Variants in METTL8 observed in about 807,000 individuals in gnomAD.
The protein encoded by METTL8 is methyltransferase 8, tRNA N3-cytidine.
In METTL8, 32 loss-of-function variants were observed where a neutral mutation model predicts 48.7. The ratio of observed to expected loss-of-function variants is 0.66; its 90% CI spans 0.50 to 0.88. The LOEUF (loss-of-function observed/expected upper bound fraction) is 0.88, where lower values mean the gene tolerates loss of function less well. Ranked by LOEUF, METTL8 falls within the 40% of genes least tolerant of loss-of-function variation. METTL8 has a pLI of 0.00. For synonymous variants in METTL8, 136 were observed against 157.1 expected, an observed-to-expected ratio of 0.87 and a Z score of 1.01; for missense variants, 464 against 474.4, an observed-to-expected ratio of 0.98 and a Z score of 0.20.
At chr2:171,347,307 A>G (rs1683376619) in intron 3 of METTL8, among the ~76,000 whole-genome samples, 3 of 152,206 alleles carry the variant, frequency 2.0e-5, no homozygotes, top group Admixed American at 2.0e-4. Context: ...GAGAGAGGCC[A>G]GTCACCACCT....
Position 171,322,164 on chromosome 2 carries a change from C to G in METTL8, c.*2008G>C, listed in dbSNP as rs928115894. ...TATTTTTAGTAGAGACAGGGTTTCA[C>G]AGTGTTGGTCAGGCTGGTCTTGAAC... On this transcript the variant is annotated 3_prime_UTR_variant, in exon 10 of 10. Coordinates refer to ENST00000375258, the MANE Select transcript of METTL8 (RefSeq NM_001321154.2). The G allele has an allele frequency of 2.6e-5, 4 of 151,920 alleles. No individual in the cohort carries two copies. Among genetic ancestry groups the G allele is most frequent in the Non-Finnish European group, 4.4e-5 (3 of 67,998 alleles). The allele number at this position is 151,920 out of a possible 1,614,324, so 9.4% of individuals were successfully genotyped here.
At chr2:171,367,733 G>A (rs908801791) in intron 2 of METTL8, among the ~76,000 whole-genome samples, 2 of 152,170 alleles carry the variant, frequency 1.3e-5, no homozygotes, top group African/African-American at 2.4e-5. Context: ...TAAACTGTAT[G>A]ACAACAATAT....
At chr2:171,334,500 G>T (rs771507738) in intron 5 of METTL8, among the ~76,000 whole-genome samples, 1 of 152,114 alleles carries the variant, frequency 6.6e-6, no homozygotes, top group Non-Finnish European at 1.5e-5. Context: ...AGAATGATAT[G>T]ACCTCTCCAT....
At chr2:171,395,987 G>T (rs1317291532) in intron 1 of METTL8, among the ~76,000 whole-genome samples, 2 of 152,018 alleles carry the variant, frequency 1.3e-5, no homozygotes, top group Non-Finnish European at 2.9e-5. Context: ...GATAAATTTG[G>T]CTGGCCAGGC....
In METTL8 at chr2:171,364,105, G is replaced by A. The variant is rs562958452; in HGVS notation, c.144-3592C>T. On this transcript the variant is annotated intron_variant, in intron 2 of 9. Transcript: ENST00000375258. ...TAGGATTACAAGCGCGAGCCACTGC[G>A]CGCCCGGCCAAATTATATATGTATT... 3.7e-4 allele frequency among the ~76,000 whole-genome samples: 56 copies of A among 152,010 alleles called. 3 individuals are homozygous for A. Among genetic ancestry groups the A allele is most frequent in the East Asian group, 2.9e-3 (15 of 5,184 alleles).
At chr2:171,405,354 G>A (rs1429123745) in intron 1 of METTL8, among the ~76,000 whole-genome samples, 2 of 152,120 alleles carry the variant, frequency 1.3e-5, no homozygotes, top group Admixed American at 6.6e-5. Flanking sequence ...AGGAAGAAGA[G>A]GGGTTAGTTT....
At chr2:171,431,117 G>A (rs1447311869) in intron 1 of METTL8, among the ~76,000 whole-genome samples, 1 of 152,182 alleles carries the variant, frequency 6.6e-6, no homozygotes, top group East Asian at 1.9e-4. Context: ...GACAGTAAGG[G>A]AAGCGTCCCT....
At chr2:171,434,147 G>T (rs543927389), upstream of METTL8, 174 of 347,978 alleles carry the variant, frequency 5.0e-4, no homozygotes, top group African/African-American at 3.6e-3. Context: ...CGGGCCGGAG[G>T]AGGCGGGGCC....
chr2:171,405,052 T>C (rs564339408), intron 1 of METTL8, among the ~76,000 whole-genome samples: 4 of 152,264 alleles, frequency 2.6e-5, no homozygotes, highest in East Asian at 3.9e-4. Context: ...ATGTTGATGG[T>C]ATTCAAAACA....
chr2:171,412,694 T>C (rs1690872195), intron 1 of METTL8, among the ~76,000 whole-genome samples: 2 of 150,716 alleles, frequency 1.3e-5, no homozygotes, highest in African/African-American at 4.9e-5. Flanking sequence ...ATACAGAAGA[T>C]CACTGTCTTC....
At chr2:171,375,865 A>G (rs1191176145) in intron 2 of METTL8, among the ~76,000 whole-genome samples, 9 of 152,212 alleles carry the variant, frequency 5.9e-5, no homozygotes, top group Admixed American at 4.6e-4. Flanking sequence ...TGAATCTACA[A>G]TGCATTCTAG....
intron 2 of METTL8, among the ~76,000 whole-genome samples, chr2:171,380,510 A>G (rs1254017349): frequency 6.6e-6 from 1 of 152,248 alleles, no homozygotes; most frequent in East Asian, 1.9e-4. Flanking sequence ...CCATGGTCTC[A>G]GCCCAAAAAC....
chr2:171,339,320 T>A lies in METTL8; in HGVS notation c.470A>T (p.Glu157Val). 1 of 1,613,150 alleles carries A rather than the reference T, an allele frequency of 6.2e-7. No individual in the cohort carries two copies. Among genetic ancestry groups the A allele is most frequent in the Non-Finnish European group, 8.5e-7 (1 of 1,179,434 alleles). ...PTVPDEKNHY[E>V]KSSGSSEGQS... ...ACCTTCTGAAGAACCAGAACTTTTC[T>A]CATAATGATTTTTTTCATCAGGCAC... is the stretch of plus-strand genomic sequence containing the variant. Residue 157 changes from glutamate to valine, a missense_variant, in exon 4 of 10, where the codon GAG (glutamate) becomes GTG (valine). Transcript: ENST00000375258.
chr2:171,349,918 C>A (rs1440709194), intron 3 of METTL8, among the ~76,000 whole-genome samples: 1 of 152,198 alleles, frequency 6.6e-6, no homozygotes, highest in Non-Finnish European at 1.5e-5. Flanking sequence ...TTAATACCTT[C>A]TAATCAGTGT....
intron 2 of METTL8, among the ~76,000 whole-genome samples, chr2:171,383,549 T>C (rs894595113): frequency 1.3e-5 from 2 of 152,186 alleles, no homozygotes; most frequent in African/African-American, 4.8e-5. Context: ...TGCTGGTCCA[T>C]GATGGAAAGT....
At chr2:171,414,417 CA>C (rs61382748) in intron 1 of METTL8, among the ~76,000 whole-genome samples, 7,973 of 105,504 alleles carry the variant, frequency 0.076, 226 homozygotes, top group African/African-American at 0.097. Flanking sequence ...AACTCCGTCT[CA>C]AAAAAAAAAA....
chr2:171,331,256 A>G (rs1488317496), intron 6 of METTL8, among the ~76,000 whole-genome samples: 1 of 151,724 alleles, frequency 6.6e-6, no homozygotes, highest in African/African-American at 2.4e-5. Context: ...GATTACAGGC[A>G]CCCACCACCA....
chr2:171,326,432 C>A, intron 7 of METTL8: 1 of 324,330 alleles, frequency 3.1e-6, no homozygotes, highest in Non-Finnish European at 5.5e-6. Context: ...AGCTAAACTT[C>A]AAAACCACAG....
At chr2:171,387,541 AT>A (rs200199679) in intron 2 of METTL8, among the ~76,000 whole-genome samples, 4,899 of 149,844 alleles carry the variant, frequency 0.033, 85 homozygotes, top group East Asian at 0.05. Context: ...TTTAAAAAAA[AT>A]TAAAAAAAAA....
Sources: gnomAD v4.1 joint callset for allele counts (sites outside exome capture counted in the v4.1 genomes callset) on GRCh38, gnomAD v4.1.1 for gene constraint, MANE v1.5 for transcripts, NCBI Gene and HGNC (gene_info 2026-07-23, HGNC 2026-07-21) for gene names.